RUSC2: variants seen among roughly 807,000 people sequenced by gnomAD.
RUSC2 encodes the protein RUN and SH3 domain containing 2, also known as AP-4 complex accessory subunit RUSC2.
RUSC2 carries 34 observed loss-of-function variants against 122.2 expected under a neutral mutation model. The observed-to-expected ratio is 0.28, with a 90% CI of 0.21 to 0.37. The LOEUF is 0.37. Among genes scored for constraint, RUSC2 ranks in the 10% least tolerant of loss-of-function variants. RUSC2 has a pLI of 1.00. For missense variants in RUSC2, 1,747 were observed against 1,952.4 expected (o/e 0.89, Z 1.98); for synonymous variants, 784 against 790.0 (o/e 0.99, Z 0.13).
At chr9:35,511,889 G>C (rs1420730486) in intron 1 of RUSC2, among the ~76,000 whole-genome samples, 1 of 152,174 alleles carries the variant, frequency 6.6e-6, no homozygotes, top group East Asian at 1.9e-4. Context: ...TAAAAATATA[G>C]GAAAATCTCG....
chr9:35,543,159 C>T (rs1193370757), intron 1 of RUSC2, among the ~76,000 whole-genome samples: 2 of 152,198 alleles, frequency 1.3e-5, no homozygotes, highest in African/African-American at 4.8e-5. Context: ...GGCATGGTGG[C>T]TCACATCTGT....
At chr9:35,533,696 A>T (rs553182968) in intron 1 of RUSC2, among the ~76,000 whole-genome samples, 4 of 152,208 alleles carry the variant, frequency 2.6e-5, no homozygotes, top group African/African-American at 9.7e-5. Flanking sequence ...TTGTCTGGAC[A>T]TATCATGTAA....
rs1271298217 is a variant in RUSC2 at position 35,560,432 on chromosome 9, A to T, written c.3792A>T (p.Arg1264=). The T allele has an allele frequency of 2.5e-6, 4 of 1,614,048 alleles. No individual in the cohort carries two copies. In the Admixed American group the frequency reaches 6.7e-5, roughly 27 times the overall value. Residue 1264 remains arginine, a synonymous_variant, in exon 10 of 12, where the codon CGA becomes CGT. Transcript: ENST00000361226. ...GCTCAGGGCGTGCCAGGTGGGCCCG[A>T]GGTGGGCAGGCCGGCTGGTGGTACC... ...AGGSGRARWA[R]GGQAGWWYQL... is the part of the protein sequence containing the mutation.
Position 35,558,584 on chromosome 9 carries a change from G to A in RUSC2, c.3341+17G>A, listed in dbSNP as rs780685102. The stretch of plus-strand genomic sequence containing the variant: ...CCTGCTCAAGTGAGTGCACAGAGCA[G>A]CAAGATCCCCTAAACAACTTGCCCT... On this transcript the variant is annotated intron_variant, in intron 8 of 11. Coordinates refer to ENST00000361226, the MANE Select transcript of RUSC2 (RefSeq NM_014806.5). The surrounding 1 kb of genome is among the most constrained non-coding windows in gnomAD (Gnocchi z 4.3). 2 of 1,601,060 alleles carry A rather than the reference G, an allele frequency of 1.2e-6. No individual in the cohort carries two copies. The highest frequency in any genetic ancestry group is 8.6e-7 in the Non-Finnish European group (1 of 1,168,252).
At position 35,557,927 on chromosome 9, in the gene RUSC2, T is replaced by A. The variant is rs180833428; in HGVS notation, c.2997T>A (p.Ala999=). Residue 999 remains alanine, a synonymous_variant, in exon 6 of 12, where the codon GCT becomes GCA. Coordinates refer to ENST00000361226, the MANE Select transcript of RUSC2 (RefSeq NM_014806.5). The surrounding 1 kb of genome is among the most constrained non-coding windows in gnomAD (Gnocchi z 4.6). The part of the protein sequence containing the change: ...DLLQKKGLVK[A]VNIAVDLIVA... ...TCTTCCCTGCAGGGCTGGTAAAAGC[T>A]GTTAACATCGCTGTGGACCTCATTG... 22 of 1,614,204 alleles carry A rather than the reference T, an allele frequency of 1.4e-5. 1 individual carries two copies. The East Asian group carries it at 4.7e-4, about 34-fold the overall frequency.
At chr9:35,553,188 C>T (rs1486568664) in intron 2 of RUSC2, among the ~76,000 whole-genome samples, 1 of 152,124 alleles carries the variant, frequency 6.6e-6, no homozygotes, top group African/African-American at 2.4e-5. Context: ...CAGCCTAGCT[C>T]GTAGCAGGTG....
In RUSC2 at chr9:35,561,024, T is replaced by G. The variant is rs1309474589; in HGVS notation, c.4276T>G (p.Ser1426Ala). 1 of 1,614,106 alleles carries G rather than the reference T, an allele frequency of 6.2e-7. No individual in the cohort carries two copies. Among genetic ancestry groups the G allele is most frequent in the Non-Finnish European group, 8.5e-7 (1 of 1,180,008 alleles). Residue 1426 changes from serine to alanine, a missense_variant, in exon 11 of 12, where the codon TCC becomes GCC. By Grantham distance (99) the Ser-to-Ala change is moderately conservative. Transcript: ENST00000361226. ...MFQLVAQTVG[S>A]RREPEPKESL... is the part of the protein sequence containing the mutation. Reference sequence around the variant, plus strand: ...CCAACTAGTGGCGCAGACAGTGGGTTCCCGCCGGGAGCCAGAGCCCAAGGA... The same window carrying G: ...CCAACTAGTGGCGCAGACAGTGGGTGCCCGCCGGGAGCCAGAGCCCAAGGA...
chr9:35,541,167 C>T (rs1291049556), intron 1 of RUSC2, among the ~76,000 whole-genome samples: 5 of 152,066 alleles, frequency 3.3e-5, no homozygotes, highest in Admixed American at 3.3e-4. Context: ...TTCCACTCTA[C>T]CTGGTAGGCA....
intron 1 of RUSC2, among the ~76,000 whole-genome samples, chr9:35,512,532 T>A (rs1821028072): frequency 6.6e-6 from 1 of 152,184 alleles, no homozygotes; most frequent in South Asian, 2.1e-4. Context: ...TAGTCCCTCA[T>A]GTCTCCTGTG....
chr9:35,506,747 CA>C (rs1469160547), intron 1 of RUSC2, among the ~76,000 whole-genome samples: 1 of 151,916 alleles, frequency 6.6e-6, no homozygotes, highest in African/African-American at 2.4e-5. Flanking sequence ...AAAGCTCATA[CA>C]AAAAAATCTG....
intron 1 of RUSC2, among the ~76,000 whole-genome samples, chr9:35,502,830 G>C (rs913224447): frequency 6.6e-6 from 1 of 151,946 alleles, no homozygotes; most frequent in Non-Finnish European, 1.5e-5. Context: ...GGTTTTTTTG[G>C]TAACTTAGAT....
intron 1 of RUSC2, among the ~76,000 whole-genome samples, chr9:35,526,807 C>G (rs547358651): frequency 1.3e-5 from 2 of 152,084 alleles, no homozygotes; most frequent in Non-Finnish European, 2.9e-5. Flanking sequence ...AAAATTTTTG[C>G]TGATGTACAG....
At chr9:35,525,280 A>C (rs1821303000) in intron 1 of RUSC2, among the ~76,000 whole-genome samples, 1 of 152,184 alleles carries the variant, frequency 6.6e-6, no homozygotes, top group South Asian at 2.1e-4. Flanking sequence ...ATTTTCACCT[A>C]ACCCCTCAGT....
In RUSC2 at chr9:35,560,589, C is replaced by T; in HGVS notation, c.3949C>T (p.Pro1317Ser). 1 of 1,613,794 alleles carries T rather than the reference C, an allele frequency of 6.2e-7. No individual in the cohort carries two copies. Among genetic ancestry groups the T allele is most frequent in the East Asian group, 2.2e-5 (1 of 44,868 alleles). The change falls in exon 10 of 12, where the codon CCC becomes TCC. Residue 1317 changes from proline to serine, a missense_variant. Transcript: ENST00000361226. ...TGGGGGACCTCCCCAGGCTCCACCACCCCGAGAGGGAGTAGTGGAGGGGGC... is the reference window on the plus strand; with the variant it reads ...TGGGGGACCTCCCCAGGCTCCACCATCCCGAGAGGGAGTAGTGGAGGGGGC... ...GGGGPPQAPP[P>S]REGVVEGAEA...
Position 35,546,430 on chromosome 9 carries a change from G to A in RUSC2, c.-92G>A. 1 of 987,750 alleles carries A rather than the reference G, an allele frequency of 1.0e-6. No homozygotes were observed. The highest frequency in any genetic ancestry group is 1.4e-6 in the Non-Finnish European group (1 of 735,776). The allele number at this position is 987,750 out of a possible 1,614,324, so 61.2% of individuals were successfully genotyped here. ...TCCCTTTCTTTCCCTCTCTCTCCAG[G>A]TGCCAAGCTCTCCTGATGAAATGTG... On this transcript the variant is annotated splice_region_variant and 5_prime_UTR_variant, in exon 2 of 12. The change creates a new upstream start codon in the 5' untranslated region. Transcript: ENST00000361226. The surrounding 1 kb of genome is among the most constrained non-coding windows in gnomAD (Gnocchi z 4.3).
chr9:35,535,141 G>A (rs901189129), intron 1 of RUSC2, among the ~76,000 whole-genome samples: 1 of 151,664 alleles, frequency 6.6e-6, no homozygotes, highest in Non-Finnish European at 1.5e-5. Context: ...TAGATATGGA[G>A]TGTCACTCCT....
At chr9:35,544,592 C>G (rs1821710202) in intron 1 of RUSC2, among the ~76,000 whole-genome samples, 1 of 152,142 alleles carries the variant, frequency 6.6e-6, no homozygotes, top group Admixed American at 6.5e-5. Flanking sequence ...GGGCGTGAGC[C>G]ACTGTGCCCA....
chr9:35,547,621 G>A lies in RUSC2; in HGVS notation c.1100G>A (p.Arg367His), dbSNP rs766537299. The change falls in exon 2 of 12, where the codon CGC becomes CAC. Residue 367 changes from arginine to histidine, a missense_variant. Physicochemically the swap from Arg to His is conservative, Grantham distance 29. Transcript: ENST00000361226. This position sits in a 1 kb window ranked among gnomAD's most constrained non-coding sequence, Gnocchi z 4.6. ...PELDANCNSY[R>H]PHCEPCPAVA... The stretch of plus-strand genomic sequence containing the variant: ...CTTGATGCCAACTGCAACTCCTACC[G>A]CCCACACTGTGAGCCGTGCCCAGCA... 1.1e-5 allele frequency: 17 copies of A among 1,613,982 alleles called. No homozygotes were observed. The highest frequency in any genetic ancestry group is 2.7e-5 in the African/African-American group (2 of 74,914).
At chr9:35,490,265 T>A (rs1211533753) in intron 1 of RUSC2, 93 bp downstream of exon 1, 2 of 153,146 alleles carry the variant, frequency 1.3e-5, no homozygotes, top group Non-Finnish European at 2.9e-5. Flanking sequence ...TCTTCCCACC[T>A]ATGTGCCTTC....
Sources: allele counts gnomAD v4.1 joint callset (sites outside exome capture counted in the v4.1 genomes callset), GRCh38; gene constraint gnomAD v4.1.1; non-coding constraint Gnocchi (gnomAD v3.1); transcripts MANE v1.5; gene names NCBI Gene and HGNC (gene_info 2026-07-23, HGNC 2026-07-21).